ANK3: variants seen among roughly 807,000 people sequenced by gnomAD.
ANK3 encodes the protein ankyrin-3.
Under a neutral mutation model 370.9 loss-of-function variants are expected in ANK3, and 57 were observed. The ratio of observed to expected loss-of-function variants is 0.15; its 90% CI spans 0.12 to 0.19. The LOEUF is 0.19. Among genes scored for constraint, ANK3 ranks in the 10% least tolerant of loss-of-function variants. The pLI is 1.00. For missense variants in ANK3, 4,439 were observed against 5,302.1 expected, an observed-to-expected ratio of 0.84 and a Z score of 5.06; for synonymous variants, 1,929 against 1,946.3, an observed-to-expected ratio of 0.99 and a Z score of 0.23.
At chr10:60,609,186 T>C (rs1041557396) in intron 2 of ANK3, among the ~76,000 whole-genome samples, 1 of 152,204 alleles carries the variant, frequency 6.6e-6, no homozygotes, top group Non-Finnish European at 1.5e-5. Context: ...GTGAGATAGA[T>C]ACCTGTTATT....
At chr10:60,592,817 G>A (rs772317087) in intron 2 of ANK3, among the ~76,000 whole-genome samples, 4 of 152,142 alleles carry the variant, frequency 2.6e-5, no homozygotes, top group Admixed American at 6.6e-5. Flanking sequence ...ACTAGAGTTC[G>A]AGAGTATTCC....
chr10:60,551,258 GA>G (rs2077081955), intron 2 of ANK3, among the ~76,000 whole-genome samples: 1 of 151,936 alleles, frequency 6.6e-6, no homozygotes, highest in African/African-American at 2.4e-5. Context: ...ACAGATCAAA[GA>G]ACAACTGTTT....
chr10:60,550,953 T>A (rs2077075452), intron 2 of ANK3, among the ~76,000 whole-genome samples: 1 of 152,088 alleles, frequency 6.6e-6, no homozygotes, highest in East Asian at 1.9e-4. Context: ...CTTCAATATA[T>A]CTACAATTTA....
intron 23 of ANK3, chr10:60,140,260 A>G: frequency 7.4e-7 from 1 of 1,344,322 alleles, no homozygotes; most frequent in East Asian, 2.3e-5. Flanking sequence ...CCAAGAGATT[A>G]TTTTAAGTAA....
chr10:60,488,731 C>T (rs79780776), intron 2 of ANK3, among the ~76,000 whole-genome samples: 12 of 152,200 alleles, frequency 7.9e-5, no homozygotes, highest in Admixed American at 3.3e-4. Flanking sequence ...GTTTCATCCA[C>T]GTGATAGAAA....
intron 1 of ANK3, among the ~76,000 whole-genome samples, chr10:60,369,665 A>G (rs1305359013): frequency 1.3e-5 from 2 of 152,160 alleles, no homozygotes; most frequent in African/African-American, 4.8e-5. Flanking sequence ...CATCCAGGGA[A>G]CTTCCTGTTT....
chr10:60,413,849 T>C (rs1315159714), intron 2 of ANK3, among the ~76,000 whole-genome samples: 2 of 151,768 alleles, frequency 1.3e-5, no homozygotes, highest in East Asian at 3.9e-4. Flanking sequence ...TGAAAAAAAT[T>C]AGCTGGGTGT....
intron 1 of ANK3, among the ~76,000 whole-genome samples, chr10:60,316,302 A>G (rs2047394075): frequency 6.6e-6 from 1 of 152,180 alleles, no homozygotes; most frequent in South Asian, 2.1e-4. Flanking sequence ...TTAGCAAACT[A>G]GATGTCCTCA....
chr10:60,300,054 T>G (rs1482257052), intron 1 of ANK3, among the ~76,000 whole-genome samples: 1 of 152,196 alleles, frequency 6.6e-6, no homozygotes, highest in African/African-American at 2.4e-5. Context: ...TTTTTGTATT[T>G]TGTTATGCAT....
chr10:60,374,093 C>T (rs1345795729), intron 1 of ANK3, among the ~76,000 whole-genome samples: 1 of 151,926 alleles, frequency 6.6e-6, no homozygotes, highest in East Asian at 1.9e-4. Flanking sequence ...ATGCCTTGTG[C>T]TCCAAGTATC....
intron 2 of ANK3, among the ~76,000 whole-genome samples, chr10:60,499,302 C>T (rs2075737535): frequency 6.6e-6 from 1 of 152,242 alleles, no homozygotes; most frequent in Admixed American, 6.5e-5. Context: ...ATAAAATTAG[C>T]TAACTCATAT....
At chr10:60,288,889 A>AACAC (rs35560146) in intron 1 of ANK3, among the ~76,000 whole-genome samples, 27,769 of 139,146 alleles carry the variant, frequency 0.2, 3,117 homozygotes, top group Non-Finnish European at 0.26. Flanking sequence ...AGGTAGGAAT[A>AACAC]ACACACACAC....
At chr10:60,153,372 G>A (rs1388474304) in intron 23 of ANK3, among the ~76,000 whole-genome samples, 2 of 152,064 alleles carry the variant, frequency 1.3e-5, no homozygotes, top group Non-Finnish European at 2.9e-5. Flanking sequence ...GGATGGGGGT[G>A]GTGAAAATGG....
intron 28 of ANK3, among the ~76,000 whole-genome samples, chr10:60,100,396 T>C: frequency 6.6e-6 from 1 of 152,082 alleles, no homozygotes; most frequent in East Asian, 1.9e-4. Context: ...AGTGCTCAAC[T>C]GCTTCTACAA....
intron 2 of ANK3, among the ~76,000 whole-genome samples, chr10:60,490,519 C>T (rs2075468856): frequency 1.3e-5 from 2 of 152,186 alleles, no homozygotes; most frequent in Admixed American, 6.5e-5. Flanking sequence ...TCATGACCAA[C>T]CAGCCATTAT....
intron 1 of ANK3, among the ~76,000 whole-genome samples, chr10:60,681,396 A>G (rs957864889): frequency 1.3e-5 from 2 of 152,120 alleles, no homozygotes; most frequent in African/African-American, 4.8e-5. Context: ...CACCTCCCAC[A>G]TGGGCACAGG....
At chr10:60,037,899 G>A (rs76901233) in intron 43 of ANK3, among the ~76,000 whole-genome samples, 7,570 of 151,666 alleles carry the variant, frequency 0.05, 370 homozygotes, top group East Asian at 0.14. Context: ...GAACTAATTT[G>A]CACTCCCACC....
intron 1 of ANK3, among the ~76,000 whole-genome samples, chr10:60,616,922 A>AT (rs1343364661): frequency 6.6e-6 from 1 of 151,878 alleles, no homozygotes; most frequent in African/African-American, 2.4e-5. Flanking sequence ...TATTCGAGTT[A>AT]TTTTTTCTTG....
chr10:60,069,614 T>G lies in ANK3; in HGVS notation c.11267A>C (p.Glu3756Ala), dbSNP rs974802718. ...EAVMTSCQGLENETITMISNT... is the reference protein window; with the variant it reads ...EAVMTSCQGLANETITMISNT... ...TGAAATCATTGTTATAGTTTCATTT[T>G]CTAATCCCTGACAACTGGTCATCAC... is the stretch of plus-strand genomic sequence containing the variant. Residue 3756 changes from glutamate (E) to alanine (A), a missense_variant, in exon 37 of 44, where the codon GAA becomes GCA. Glu to Ala is a moderately radical substitution (Grantham distance 107). Around this residue, in one of 13 missense-constraint regions of ANK3, gnomAD observed 496 missense variants for 529.3 expected, o/e 0.94. Coordinates refer to ENST00000280772, the MANE Select transcript of ANK3 (RefSeq NM_020987.5). 6.2e-7 allele frequency: 1 copy of G among 1,614,176 alleles called. No homozygotes were observed. The highest frequency in any genetic ancestry group is 1.7e-4 in the Middle Eastern group (1 of 6,060).
Sources: allele counts gnomAD v4.1 joint callset (sites outside exome capture counted in the v4.1 genomes callset), GRCh38; gene constraint gnomAD v4.1.1; regional missense constraint gnomAD v4.1.1; transcripts MANE v1.5; gene names NCBI Gene and HGNC (gene_info 2026-07-23, HGNC 2026-07-21).